The following SMYD2 variants were observed in gnomAD, a reference collection of about 807,000 sequenced individuals.
SMYD2 encodes the protein N-lysine methyltransferase SMYD2.
SMYD2 carries 53 observed loss-of-function variants against 59.1 expected under a neutral mutation model. The observed-to-expected ratio is 0.90, with a 90% CI of 0.72 to 1.13. SMYD2 has a LOEUF of 1.13. Ranked by LOEUF, SMYD2 falls within the 50% of genes most tolerant of loss-of-function variation. The pLI is 0.00. For synonymous variants in SMYD2, 208 were observed against 198.8 expected (o/e 1.05, Z -0.39); for missense variants, 494 against 544.7 (o/e 0.91, Z 0.93).
chr1:214,290,193 C>A (rs931805014), intron 1 of SMYD2, among the ~76,000 whole-genome samples: 5 of 152,134 alleles, frequency 3.3e-5, no homozygotes, highest in Admixed American at 6.5e-5. Flanking sequence ...CAGAAATATG[C>A]AATTTAGCAG....
At chr1:214,333,416 GA>G (rs1657387856) in intron 10 of SMYD2, 1 of 152,312 alleles carries the variant, frequency 6.6e-6, no homozygotes, top group Admixed American at 6.5e-5. Context: ...TCCTACCCAG[GA>G]ATACAGCTAG....
intron 1 of SMYD2, among the ~76,000 whole-genome samples, chr1:214,288,938 C>CTTTTTTTTT (rs10660642): frequency 1.5e-5 from 2 of 136,730 alleles, no homozygotes; most frequent in African/African-American, 5.5e-5. Flanking sequence ...AGCCCATAGT[C>CTTTTTTTTT]TTTTTTTTTT....
rs140811134 is a variant in SMYD2, at chr1:214,292,564, A to G, written c.173+11137A>G. On this transcript the variant is annotated intron_variant, in intron 1 of 11. Coordinates refer to ENST00000366957, the MANE Select transcript of SMYD2 (RefSeq NM_020197.3). ...AAGAAGACTAGCCTCTGTTACTGCAATAAATATTTGCGAAATATATTAGTC... is the reference window on the plus strand; with the variant it reads ...AAGAAGACTAGCCTCTGTTACTGCAGTAAATATTTGCGAAATATATTAGTC... Among the ~76,000 whole-genome samples, 15 of 152,338 alleles carry G rather than the reference A, an allele frequency of 9.8e-5. No individual in the cohort carries two copies. In the East Asian group the frequency reaches 2.9e-3, roughly 29 times the overall value.
chr1:214,315,298 C>T (rs1423470061), intron 3 of SMYD2, among the ~76,000 whole-genome samples: 1 of 152,172 alleles, frequency 6.6e-6, no homozygotes. Context: ...TCTTTCTTGG[C>T]TCCTTTCTTG....
rs759570676 is a variant in SMYD2 at position 214,281,433 on chromosome 1, G to A, written c.173+6G>A. 5.5e-6 allele frequency: 7 copies of A among 1,270,838 alleles called. 1 individual carries two copies. In the South Asian group the frequency reaches 8.9e-5, roughly 16 times the overall value. The allele number at this position is 1,270,838 out of a possible 1,614,324, so 78.7% of individuals were successfully genotyped here. A position where few individuals can be genotyped will look rare whatever the true frequency, so the allele number is the denominator to read the frequency against. On this transcript the variant is annotated splice_donor_region_variant and intron_variant, in intron 1 of 11. Transcript: ENST00000366957. ...TGCGAGTACTGCTTCACCAGGTAGG[G>A]CGGCGGCGGCGGCGGCGGCGGGCGG...
chr1:214,316,306 A>G (rs747283650), intron 3 of SMYD2, among the ~76,000 whole-genome samples: 4 of 152,120 alleles, frequency 2.6e-5, no homozygotes, highest in Admixed American at 1.3e-4. Context: ...CCCATTCTCT[A>G]TAATAAATTT....
chr1:214,302,869 T>A (rs757883220), intron 1 of SMYD2, among the ~76,000 whole-genome samples: 122 of 152,310 alleles, frequency 8.0e-4, no homozygotes, highest in Non-Finnish European at 1.3e-3. Context: ...TTGTATGTTG[T>A]GGAGCTAATA....
intron 3 of SMYD2, 110 bp from the exon 4 acceptor site, chr1:214,317,965 ACTTC>A: frequency 3.9e-6 from 4 of 1,013,742 alleles, no homozygotes; most frequent in South Asian, 2.7e-5. Context: ...AGCTTGTTTT[ACTTC>A]CTTAAGAATT....
At chr1:214,314,358 G>A (rs184917913) in intron 2 of SMYD2, among the ~76,000 whole-genome samples, 105 of 152,230 alleles carry the variant, frequency 6.9e-4, no homozygotes, top group Middle Eastern at 3.4e-3. Flanking sequence ...TTGCCCTGAC[G>A]TGAGAACAAA....
Position 214,314,966 on chromosome 1 carries a change from G to A in SMYD2, c.348+94G>A, listed in dbSNP as rs532695626. Reference sequence around the variant, plus strand: ...AACTGACCTTTGGTAACCATCTCTCGTTAAACATCCTTAGACTACATTTCC... The same window carrying A: ...AACTGACCTTTGGTAACCATCTCTCATTAAACATCCTTAGACTACATTTCC... On this transcript the variant is annotated intron_variant, in intron 3 of 11. Transcript: ENST00000366957. The A allele has an allele frequency of 9.7e-5, 88 of 907,442 alleles. No individual in the cohort carries two copies. The African/African-American group carries it at 1.1e-3, about 12-fold the overall frequency. 56.2% of individuals were successfully genotyped at this position (907,442 alleles called of 1,614,324 possible).
chr1:214,314,684 C>A, intron 2 of SMYD2, 78 bp from the exon 3 acceptor site: 1 of 1,021,820 alleles, frequency 9.8e-7, no homozygotes. Context: ...ACTAGGGGGA[C>A]TCACTGCATC....
At chr1:214,305,051 C>T in intron 1 of SMYD2, 136 bp from the exon 2 acceptor site, 1 of 797,902 alleles carries the variant, frequency 1.3e-6, no homozygotes, top group East Asian at 2.4e-5. Flanking sequence ...GAACATGCAC[C>T]TTCTCAGTGG....
chr1:214,300,056 T>C (rs1215863905), intron 1 of SMYD2, among the ~76,000 whole-genome samples: 2 of 152,222 alleles, frequency 1.3e-5, no homozygotes, highest in East Asian at 3.8e-4. Flanking sequence ...ACCTGGGTGA[T>C]GGTATCATTT....
chr1:214,285,528 C>A (rs1057321363), intron 1 of SMYD2, among the ~76,000 whole-genome samples: 5 of 152,096 alleles, frequency 3.3e-5, no homozygotes, highest in African/African-American at 1.2e-4. Flanking sequence ...AAAGGGGTTC[C>A]CCTTCTTTTT....
chr1:214,298,867 A>G lies in SMYD2; in HGVS notation c.174-6320A>G, dbSNP rs115477858. 6.6e-3 allele frequency among the ~76,000 whole-genome samples: 1,000 copies of G among 152,340 alleles called. 12 individuals are homozygous for G. Among genetic ancestry groups the G allele is most frequent in the African/African-American group, 0.023 (941 of 41,576 alleles). On this transcript the variant is annotated intron_variant, in intron 1 of 11. Coordinates refer to ENST00000366957, the MANE Select transcript of SMYD2 (RefSeq NM_020197.3). ...TTATTAAACAGTCAAAAAATAACAG[A>G]TGTGGCTGTGCATACTGGCTCACAT...
chr1:214,334,340 G>C, intron 11 of SMYD2, 32 bp downstream of exon 11: 1 of 1,586,270 alleles, frequency 6.3e-7, no homozygotes, highest in South Asian at 1.1e-5. Context: ...AGGATTCCCA[G>C]TGGCCAGATG....
At chr1:214,310,682 G>T (rs1656986457) in intron 2 of SMYD2, among the ~76,000 whole-genome samples, 1 of 152,042 alleles carries the variant, frequency 6.6e-6, no homozygotes, top group Admixed American at 6.5e-5. Context: ...CAGCAGTACT[G>T]CCAGTATTCA....
chr1:214,305,324 C>T (rs1656899312), intron 2 of SMYD2, 74 bp downstream of exon 2: 2 of 1,369,440 alleles, frequency 1.5e-6, no homozygotes, highest in South Asian at 2.3e-5. Flanking sequence ...TGGCATTCCT[C>T]AGCGCCCTCC....
intron 2 of SMYD2, among the ~76,000 whole-genome samples, chr1:214,311,645 T>A (rs1178063091): frequency 6.6e-6 from 1 of 152,190 alleles, no homozygotes; most frequent in East Asian, 1.9e-4. Flanking sequence ...GACATTTATA[T>A]CAATAAATGT....
Sources: allele counts gnomAD v4.1 joint callset (sites outside exome capture counted in the v4.1 genomes callset), GRCh38; gene constraint gnomAD v4.1.1; transcripts MANE v1.5; gene names NCBI Gene and HGNC (gene_info 2026-07-23, HGNC 2026-07-21).